SIRT1: variants seen among roughly 807,000 people sequenced by gnomAD.
The protein encoded by SIRT1 is NAD-dependent protein deacetylase sirtuin-1.
In SIRT1, 24 loss-of-function variants were observed where a neutral mutation model predicts 67.9. The observed-to-expected ratio is 0.35, with a 90% CI of 0.26 to 0.50. SIRT1 has a LOEUF of 0.50. Among genes scored for constraint, SIRT1 ranks in the 20% least tolerant of loss-of-function variants. The probability of loss-of-function intolerance (pLI) is 0.98; values close to 1 mark genes in which losing one functional copy is unlikely to be tolerated. For synonymous variants in SIRT1, 378 were observed against 350.7 expected, an observed-to-expected ratio of 1.08 and a Z score of -0.87; for missense variants, 873 against 937.2, an observed-to-expected ratio of 0.93 and a Z score of 0.89.
rs140311296 is a variant in SIRT1 at position 67,889,759 on chromosome 10, A to G, written c.789+636A>G. ...TTCGAGTTGCGAAAGGGTGTTACAT[A>G]ATCTTAGATGATCATCAGGAGTATG... On this transcript the variant is annotated intron_variant, in intron 3 of 8. Coordinates refer to ENST00000212015, the MANE Select transcript of SIRT1 (RefSeq NM_012238.5). Among the ~76,000 whole-genome samples the G allele has an allele frequency of 2.6e-3, 403 of 152,308 alleles. 1 individual carries two copies. The highest frequency in any genetic ancestry group is 9.0e-3 in the African/African-American group (373 of 41,568).
intron 6 of SIRT1, among the ~76,000 whole-genome samples, chr10:67,908,718 A>G (rs1842855694): frequency 6.6e-6 from 1 of 152,160 alleles, no homozygotes; most frequent in Admixed American, 6.5e-5. Context: ...CCTGGCCAAC[A>G]TGGCAAAACC....
rs16924944 is a variant in SIRT1 at position 67,912,307 on chromosome 10, C to G, written c.1358-167C>G. ...TAAAAGACACTTAACTGCCCATCTG[C>G]TTGCTTGATGAAATGTAATGGCTTG... On this transcript the variant is annotated intron_variant, in intron 7 of 8. Transcript: ENST00000212015. Among the ~76,000 whole-genome samples the G allele has an allele frequency of 9.6e-3, 1,462 of 152,202 alleles. 27 individuals are homozygous for G. Among genetic ancestry groups the G allele is most frequent in the African/African-American group, 0.033 (1,385 of 41,524 alleles).
chr10:67,892,524 ATCTGCCATT>A (rs2131854171), intron 4 of SIRT1, among the ~76,000 whole-genome samples: 1 of 152,186 alleles, frequency 6.6e-6, no homozygotes, highest in African/African-American at 2.4e-5. Context: ...GTGAACCATG[ATCTGCCATT>A]GCACTCCACC....
At chr10:67,913,788 T>C (rs1364089607) in intron 8 of SIRT1, among the ~76,000 whole-genome samples, 1 of 152,238 alleles carries the variant, frequency 6.6e-6, no homozygotes, top group African/African-American at 2.4e-5. Context: ...ACTTTAAGTC[T>C]CATTCCATTT....
At position 67,916,315 on chromosome 10, in the gene SIRT1, G is replaced by A. The variant is rs1410863068; in HGVS notation, c.1966G>A (p.Glu656Lys). The A allele has an allele frequency of 1.2e-6, 2 of 1,609,658 alleles. No individual in the cohort carries two copies. The highest frequency in any genetic ancestry group is 1.7e-6 in the Non-Finnish European group (2 of 1,176,212). Residue 656 changes from glutamate to lysine, a missense_variant, in exon 9 of 9, where the codon GAG (glutamate) becomes AAG (lysine). By Grantham distance (56) the Glu-to-Lys change is moderately conservative. Around this residue, in one of 3 missense-constraint regions of SIRT1, gnomAD observed 295 missense variants for 294.5 expected, o/e 1.00. Coordinates refer to ENST00000212015, the MANE Select transcript of SIRT1 (RefSeq NM_012238.5). ...AAATCGTTACATTTTCCATGGCGCTGAGGTATATTCAGACTCTGAAGATGA... is the reference window on the plus strand; with the variant it reads ...AAATCGTTACATTTTCCATGGCGCTAAGGTATATTCAGACTCTGAAGATGA... ...PPNRYIFHGAEVYSDSEDDVL... is the reference protein window; with the variant it reads ...PPNRYIFHGAKVYSDSEDDVL...
chr10:67,912,162 T>C (rs1345761805), intron 7 of SIRT1, among the ~76,000 whole-genome samples: 3 of 152,172 alleles, frequency 2.0e-5, no homozygotes, highest in African/African-American at 7.2e-5. Flanking sequence ...CACAGTCTTG[T>C]GGAGAAGTAC....
At chr10:67,893,045 GTTTTC>G (rs1842598270) in intron 4 of SIRT1, among the ~76,000 whole-genome samples, 1 of 152,126 alleles carries the variant, frequency 6.6e-6, no homozygotes, top group Admixed American at 6.5e-5. Context: ...TTAGAAAACT[GTTTTC>G]TTTCCTGTAT....
chr10:67,885,066 G>A lies in SIRT1; in HGVS notation c.345G>A (p.Pro115=). Residue 115 remains proline, a synonymous_variant, in exon 1 of 9, where the codon CCG becomes CCA. Transcript: ENST00000212015. The part of the protein sequence containing the change: ...PGLQGPSREP[P]LADNLYDEDD... ...TGCAGGGCCCATCTCGGGAGCCACC[G>A]CTGGCCGACAACTTGTACGACGAAG... is the stretch of plus-strand genomic sequence containing the variant. The A allele has an allele frequency of 7.0e-7, 1 of 1,435,818 alleles. No homozygotes were observed. Among genetic ancestry groups the A allele is most frequent in the Non-Finnish European group, 9.2e-7 (1 of 1,087,464 alleles). The allele number at this position is 1,435,818 out of a possible 1,614,324, so 88.9% of individuals were successfully genotyped here.
rs752297241 is a variant in SIRT1, at chr10:67,906,894, G to T, written c.1047G>T (p.Thr349=). The part of the protein sequence containing the change: ...LLRNYTQNID[T]LEQVAGIQRI... ...GCAACTATACCCAGAACATAGACAC[G>T]CTGGAACAGGTTGCGGGAATCCAAA... Residue 349 remains threonine (T), a synonymous_variant, in exon 5 of 9, where the codon ACG becomes ACT. Coordinates refer to ENST00000212015, the MANE Select transcript of SIRT1 (RefSeq NM_012238.5). 2 of 1,610,610 alleles carry T rather than the reference G, an allele frequency of 1.2e-6. No homozygotes were observed. Among genetic ancestry groups the T allele is most frequent in the East Asian group, 2.2e-5 (1 of 44,590 alleles).
chr10:67,894,153 GGTATATTAAATGGGCATTAGT>G (rs925651048), intron 4 of SIRT1, among the ~76,000 whole-genome samples: 1 of 151,910 alleles, frequency 6.6e-6, no homozygotes, highest in Admixed American at 6.6e-5. Context: ...TCCAGGTTGT[GGTATATTAAATGGGCATTAGT>G]GTAAAGTGGG....
chr10:67,886,555 CAAA>C (rs34780303), intron 1 of SIRT1, among the ~76,000 whole-genome samples: 29 of 97,836 alleles, frequency 3.0e-4, no homozygotes, highest in African/African-American at 4.9e-4. Flanking sequence ...GACCCCGTCT[CAAA>C]AAAAAAAAAA....
chr10:67,884,917 G>A lies in SIRT1; in HGVS notation c.196G>A (p.Gly66Ser). 8.1e-7 allele frequency: 1 copy of A among 1,234,700 alleles called. No homozygotes were observed. Among genetic ancestry groups the A allele is most frequent in the South Asian group, 4.0e-5 (1 of 25,214 alleles). 76.5% of individuals were successfully genotyped at this position (1,234,700 alleles called of 1,614,324 possible). A position where few individuals can be genotyped will look rare whatever the true frequency, so the allele number is the denominator to read the frequency against. Residue 66 changes from glycine to serine, a missense_variant, in exon 1 of 9, where the codon GGC becomes AGC. By Grantham distance (56) the Gly-to-Ser change is moderately conservative (BLOSUM62 0). This residue lies in a region of SIRT1 where 327 missense variants were observed against 283.9 expected (regional missense o/e 1.15). Transcript: ENST00000212015. ...GCGTGAGGTGCCGGCGGCGGCCAGG[G>A]GCTGCCCGGGTGCGGCGGCGGCGGC... ...PEREVPAAAR[G>S]CPGAAAAALW...
intron 3 of SIRT1, 29 bp downstream of exon 3, chr10:67,889,152 G>A (rs748988341): frequency 1.7e-5 from 27 of 1,552,914 alleles, no homozygotes; most frequent in Middle Eastern, 1.7e-4. Context: ...TGGGGAGGTC[G>A]TATATGTATT....
At position 67,911,402 on chromosome 10, in the gene SIRT1, A is replaced by T. The variant is rs531830724; in HGVS notation, c.1358-1072A>T. Among the ~76,000 whole-genome samples the T allele has an allele frequency of 7.9e-5, 12 of 152,152 alleles. No individual in the cohort carries two copies. In the East Asian group the frequency reaches 2.1e-3, roughly 27 times the overall value. Reference sequence around the variant, plus strand: ...AGAAACGGGATTCACTTTGTTGCCCAGGCTGGTCACAAACTCCTGGCCTCA... The same window carrying T: ...AGAAACGGGATTCACTTTGTTGCCCTGGCTGGTCACAAACTCCTGGCCTCA... On this transcript the variant is annotated intron_variant, in intron 7 of 8. Coordinates refer to ENST00000212015, the MANE Select transcript of SIRT1 (RefSeq NM_012238.5).
intron 4 of SIRT1, among the ~76,000 whole-genome samples, chr10:67,904,137 T>G (rs763651109): frequency 7.9e-4 from 118 of 150,260 alleles, no homozygotes; most frequent in African/African-American, 2.4e-3. Flanking sequence ...GTTTTTTTTT[T>G]TTTTTTTTTT....
At chr10:67,906,426 A>T in intron 4 of SIRT1, 1 of 897,094 alleles carries the variant, frequency 1.1e-6, no homozygotes, top group Non-Finnish European at 1.6e-6. Context: ...CTGTAATTTT[A>T]GTTTAAACTT....
At chr10:67,909,612 G>A (rs535250129) in intron 7 of SIRT1, among the ~76,000 whole-genome samples, 170 bp downstream of exon 7, 1 of 152,262 alleles carries the variant, frequency 6.6e-6, no homozygotes, top group African/African-American at 2.4e-5. Context: ...TTTCCCTCTT[G>A]TTGCCCAGGC....
intron 1 of SIRT1, 37 bp downstream of exon 1, chr10:67,885,188 C>G (rs1363719302): frequency 7.6e-7 from 1 of 1,308,254 alleles, no homozygotes; most frequent in Non-Finnish European, 9.8e-7. Context: ...TGCGCATCTC[C>G]TCCTCCCTCT....
At chr10:67,906,739 C>T (rs1261288274) in intron 4 of SIRT1, 51 bp from the exon 5 acceptor site, 4 of 1,546,564 alleles carry the variant, frequency 2.6e-6, no homozygotes, top group Non-Finnish European at 3.5e-6. Flanking sequence ...CATATGACAT[C>T]TGTAGTTTAT....
Sources: gnomAD v4.1 joint callset for allele counts (sites outside exome capture counted in the v4.1 genomes callset) on GRCh38, gnomAD v4.1.1 for gene constraint, gnomAD v4.1.1 regional missense constraint, MANE v1.5 for transcripts, NCBI Gene and HGNC (gene_info 2026-07-23, HGNC 2026-07-21) for gene names.